C11orf54: variants seen among roughly 807,000 people sequenced by gnomAD.
C11orf54 encodes beta-keto L-gulonate decarboxylase.
Under a neutral mutation model 35.5 loss-of-function variants are expected in C11orf54, and 29 were observed. The observed-to-expected ratio is 0.82, with a 90% confidence interval of 0.61 to 1.11. The LOEUF (loss-of-function observed/expected upper bound fraction) is 1.11, where lower values mean the gene tolerates loss of function less well. C11orf54 is among the 50% of genes most tolerant of loss of function. The pLI is 0.00. For synonymous variants in C11orf54, 108 were observed against 121.1 expected, an observed-to-expected ratio of 0.89 and a Z score of 0.71; for missense variants, 373 against 369.2, an observed-to-expected ratio of 1.01 and a Z score of -0.08.
rs892306339 is a variant in C11orf54 at position 93,753,043 on chromosome 11, C to A, written c.155-639C>A. Among the ~76,000 whole-genome samples, 4 of 152,126 alleles carry A rather than the reference C, an allele frequency of 2.6e-5. No homozygotes were observed. The South Asian group carries it at 8.3e-4, about 32-fold the overall frequency. On this transcript the variant is annotated intron_variant, in intron 3 of 8. Coordinates refer to ENST00000354421, the MANE Select transcript of C11orf54 (RefSeq NM_001286069.2). ...TTGCCCAGGCTGGAATACAGTAGCA[C>A]AATCTTGGCTCACTGCAACCTCTGC...
rs920842861 is a variant in C11orf54, at chr11:93,764,600, T to C, written c.*2912T>C. ...GGGAAAAGATCAAAATGCTTTTCTTTTTAAATTTTTTCTTAGTTTTCTTTC... is the reference window on the plus strand; with the variant it reads ...GGGAAAAGATCAAAATGCTTTTCTTCTTAAATTTTTTCTTAGTTTTCTTTC... On this transcript the variant is annotated 3_prime_UTR_variant, in exon 9 of 9. Coordinates refer to ENST00000354421, the MANE Select transcript of C11orf54 (RefSeq NM_001286069.2). 1 of 152,184 alleles carries C rather than the reference T, an allele frequency of 6.6e-6. No individual in the cohort carries two copies. Among genetic ancestry groups the C allele is most frequent in the Non-Finnish European group, 1.5e-5 (1 of 68,040 alleles). 9.4% of individuals were successfully genotyped at this position (152,184 alleles called of 1,614,324 possible).
At chr11:93,750,608 A>G (rs1942763336) in intron 3 of C11orf54, among the ~76,000 whole-genome samples, 164 bp downstream of exon 3, 3 of 152,214 alleles carry the variant, frequency 2.0e-5, no homozygotes, top group South Asian at 4.1e-4. Flanking sequence ...GATATTGGTT[A>G]AATTTCATTT....
At chr11:93,751,407 T>G (rs1218450227) in intron 3 of C11orf54, among the ~76,000 whole-genome samples, 3 of 135,742 alleles carry the variant, frequency 2.2e-5, no homozygotes, top group Middle Eastern at 3.5e-3. Flanking sequence ...TAGTTTTTTT[T>G]TTTTTTTTTT....
chr11:93,751,402 T>G (rs1942815202), intron 3 of C11orf54, among the ~76,000 whole-genome samples: 5 of 3,112 alleles, frequency 1.6e-3, no homozygotes, highest in Non-Finnish European at 9.1e-3. Context: ...TTTTATAGTT[T>G]TTTTTTTTTT....
intron 1 of C11orf54, chr11:93,745,962 A>AGTGCCAGC (rs1482233804): frequency 4.6e-5 from 7 of 152,360 alleles, no homozygotes; most frequent in African/African-American, 1.7e-4. Flanking sequence ...AGCCTGGGTG[A>AGTGCCAGC]CACAGCGAGA....
rs1412134380 is a variant in C11orf54, at chr11:93,763,381, G to A, written c.*1693G>A. ...AAAGGAGTAGATGGACTGTAAAGGA[G>A]GATGCTATTTTTTTGTGGCCATCCC... On this transcript the variant is annotated 3_prime_UTR_variant, in exon 9 of 9. Coordinates refer to ENST00000354421, the MANE Select transcript of C11orf54 (RefSeq NM_001286069.2). The A allele has an allele frequency of 6.6e-6, 1 of 152,138 alleles. No homozygotes were observed. Among genetic ancestry groups the A allele is most frequent in the Non-Finnish European group, 1.5e-5 (1 of 68,038 alleles). The allele number at this position is 152,138 out of a possible 1,614,324, so 9.4% of individuals were successfully genotyped here. A position where few individuals can be genotyped will look rare whatever the true frequency, so the allele number is the denominator to read the frequency against.
At chr11:93,753,783 A>C in intron 4 of C11orf54, 28 bp downstream of exon 4, 1 of 1,606,572 alleles carries the variant, frequency 6.2e-7, no homozygotes, top group South Asian at 1.1e-5. Flanking sequence ...GCATATTCAC[A>C]TGAAGATTGT....
At chr11:93,744,386 G>T (rs1456540368) in intron 1 of C11orf54, among the ~76,000 whole-genome samples, 2 of 152,134 alleles carry the variant, frequency 1.3e-5, no homozygotes, top group Non-Finnish European at 2.9e-5. Flanking sequence ...AGATAATAAA[G>T]GGAATAAAAT....
chr11:93,752,171 A>T (rs1942869062), intron 3 of C11orf54, among the ~76,000 whole-genome samples: 1 of 152,112 alleles, frequency 6.6e-6, no homozygotes, highest in Non-Finnish European at 1.5e-5. Context: ...TAATTTTGTC[A>T]TGCAGAGTTA....
rs138613126 is a variant in C11orf54, at chr11:93,750,371, C to T, written c.81C>T (p.Asn27=). The T allele has an allele frequency of 1.2e-5, 20 of 1,613,674 alleles. No individual in the cohort carries two copies. The highest frequency in any genetic ancestry group is 1.7e-5 in the Non-Finnish European group (20 of 1,179,748). The change falls in exon 3 of 9, where the codon AAC becomes AAT. Residue 27 remains asparagine (N), a synonymous_variant. Coordinates refer to ENST00000354421, the MANE Select transcript of C11orf54 (RefSeq NM_001286069.2). The stretch of plus-strand genomic sequence containing the variant: ...TTATGCAGAAGGGGTTAAAAGATAA[C>T]TTTGCTGATGTCCAGGTCTCTGTAG... ...AGVMQKGLKD[N]FADVQVSVVD... is the part of the protein sequence containing the mutation.
chr11:93,754,123 C>T, intron 5 of C11orf54, 86 bp downstream of exon 5: 1 of 1,120,828 alleles, frequency 8.9e-7, no homozygotes, highest in Non-Finnish European at 1.3e-6. Context: ...ATCCTACTTT[C>T]TGAGTGAATT....
intron 4 of C11orf54, 78 bp downstream of exon 4, chr11:93,753,833 T>C: frequency 1.3e-6 from 2 of 1,549,186 alleles, no homozygotes; most frequent in Non-Finnish European, 1.8e-6. Context: ...TTAGAAGACC[T>C]GTTGATCAGT....
At chr11:93,741,755 G>C in intron 1 of C11orf54, 27 bp downstream of exon 1, 1 of 305,794 alleles carries the variant, frequency 3.3e-6, no homozygotes, top group Non-Finnish European at 6.5e-6. Context: ...AGAACATTTC[G>C]GCAAATAACA....
At position 93,755,343 on chromosome 11, in the gene C11orf54, C is replaced by G; in HGVS notation, c.464C>G (p.Ala155Gly). Residue 155 changes from alanine (A) to glycine (G), a missense_variant, in exon 6 of 9, where the codon GCA becomes GGA. Ala to Gly is a moderately conservative substitution (Grantham distance 60, BLOSUM62 0). Transcript: ENST00000354421. ...YSEKCHDFQC[A>G]LLANLFASEG... ...GAGAAATGTCATGATTTTCAGTGTG[C>G]ATTACTGGCTAATCTTTTTGCCAGT... is the stretch of plus-strand genomic sequence containing the variant. 6.2e-7 allele frequency: 1 copy of G among 1,614,160 alleles called. No individual in the cohort carries two copies. The highest frequency in any genetic ancestry group is 8.5e-7 in the Non-Finnish European group (1 of 1,180,014).
intron 1 of C11orf54, among the ~76,000 whole-genome samples, chr11:93,744,967 T>A (rs11020505): frequency 1.3e-5 from 2 of 151,872 alleles, no homozygotes; most frequent in Admixed American, 6.6e-5. Flanking sequence ...TAAAGAAATC[T>A]GCGTCATAAA....
Position 93,756,766 on chromosome 11 carries a change from A to G in C11orf54, c.508-550A>G, listed in dbSNP as rs77190041. 1.9e-3 allele frequency among the ~76,000 whole-genome samples: 287 copies of G among 152,312 alleles called. 11 individuals carry two copies. In the East Asian group the frequency reaches 0.052, roughly 28 times the overall value. The stretch of plus-strand genomic sequence containing the variant: ...ATTTACTTCCTATTAGTACACAAAA[A>G]TATGATTTCAGTGTTAGCTTTTGTG... On this transcript the variant is annotated intron_variant, in intron 6 of 8. Transcript: ENST00000354421.
intron 8 of C11orf54, among the ~76,000 whole-genome samples, chr11:93,760,333 A>G (rs921084591): frequency 2.2e-4 from 33 of 152,196 alleles, no homozygotes; most frequent in Non-Finnish European, 2.1e-4. Context: ...AGTTAGGCAG[A>G]GCAGATTTTA....
chr11:93,759,464 G>A (rs374960856), intron 7 of C11orf54, among the ~76,000 whole-genome samples: 2 of 152,140 alleles, frequency 1.3e-5, no homozygotes, highest in East Asian at 3.8e-4. Context: ...CATGGACACA[G>A]GGAGGGGAAC....
In C11orf54 at chr11:93,764,331, A is replaced by ACTCTTCCATTAG. The variant is rs1943575548; in HGVS notation, c.*2645_*2646insCTTCCATTAGCT. 6.6e-6 allele frequency: 1 copy of ACTCTTCCATTAG among 152,184 alleles called. No individual in the cohort carries two copies. The highest frequency in any genetic ancestry group is 2.1e-4 in the South Asian group (1 of 4,818). The allele number at this position is 152,184 out of a possible 1,614,324, so 9.4% of individuals were successfully genotyped here. A position where few individuals can be genotyped will look rare whatever the true frequency, so the allele number is the denominator to read the frequency against. On this transcript the variant is annotated 3_prime_UTR_variant, in exon 9 of 9. Transcript: ENST00000354421. Reference sequence around the variant, plus strand: ...GCCTCTTCACACTACAGATACCAACACTGCCTTTACTCTTCCATTAGTGTC... The same window carrying ACTCTTCCATTAG: ...GCCTCTTCACACTACAGATACCAACACTCTTCCATTAGCTGCCTTTACTCTTCCATTAGTGTC...
Sources: allele counts gnomAD v4.1 joint callset (sites outside exome capture counted in the v4.1 genomes callset), GRCh38; gene constraint gnomAD v4.1.1; transcripts MANE v1.5; gene names NCBI Gene and HGNC (gene_info 2026-07-23, HGNC 2026-07-21).